The following OPHN1 variants were observed in gnomAD, a reference collection of about 807,000 sequenced individuals.
The protein encoded by OPHN1 is oligophrenin-1.
OPHN1 carries 11 observed loss-of-function variants against 60.7 expected under a neutral mutation model. That is an observed-to-expected ratio of 0.18 (90% CI 0.11 to 0.30). OPHN1 has a LOEUF of 0.30. Ranked by LOEUF, OPHN1 falls within the 10% of genes least tolerant of loss-of-function variation. OPHN1 has a pLI of 1.00. For missense variants in OPHN1, 449 were observed against 611.0 expected, an observed-to-expected ratio of 0.73 and a Z score of 2.80; for synonymous variants, 226 against 222.6, an observed-to-expected ratio of 1.02 and a Z score of -0.14.
chrX:68,061,634 C>T (rs774906010), intron 21 of OPHN1, among the ~76,000 whole-genome samples: 43 of 111,685 alleles, frequency 3.9e-4, no homozygotes, highest in Non-Finnish European at 6.6e-4. Context: ...GCTGATTATA[C>T]GCCAGATATT....
At chrX:68,375,150 A>C (rs57597456) in intron 2 of OPHN1, among the ~76,000 whole-genome samples, 2,174 of 111,148 alleles carry the variant, frequency 0.02, 58 homozygotes, top group African/African-American at 0.065. Context: ...TTCACACACA[A>C]AAAAAAACAT....
intron 3 of OPHN1, among the ~76,000 whole-genome samples, chrX:68,287,146 GAAGA>G (rs2078045594): frequency 3.8e-5 from 2 of 52,869 alleles, no homozygotes; most frequent in South Asian, 8.2e-4. Context: ...AGGAAGGAAG[GAAGA>G]AAGAAGGAAA....
intron 20 of OPHN1, chrX:68,071,728 C>T (rs189897466): frequency 1.2e-5 from 6 of 489,010 alleles, no homozygotes; most frequent in African/African-American, 2.3e-5. Flanking sequence ...TGCCCTTTGA[C>T]GTCTGGTTTG....
intron 15 of OPHN1, among the ~76,000 whole-genome samples, chrX:68,165,296 T>A (rs2077352960): frequency 8.9e-6 from 1 of 112,115 alleles, no homozygotes; most frequent in Non-Finnish European, 1.9e-5. Flanking sequence ...GCTTTCGACA[T>A]GCCTTCCTCA....
intron 2 of OPHN1, among the ~76,000 whole-genome samples, chrX:68,353,408 GAAAAA>G (rs766331200): frequency 2.1e-5 from 1 of 48,155 alleles, no homozygotes; most frequent in Non-Finnish European, 4.0e-5. Context: ...GTCTCTACAG[GAAAAA>G]AAAAAAAAAA....
At chrX:68,146,053 T>A (rs186387694) in intron 15 of OPHN1, among the ~76,000 whole-genome samples, 3 of 112,095 alleles carry the variant, frequency 2.7e-5, no homozygotes, top group East Asian at 2.8e-4. Flanking sequence ...CAGAAAAAAA[T>A]TGTCAACTCC....
chrX:68,173,051 C>T (rs2077398625), intron 15 of OPHN1, among the ~76,000 whole-genome samples: 2 of 110,656 alleles, frequency 1.8e-5, no homozygotes, highest in African/African-American at 6.6e-5. Flanking sequence ...TGCAGATATG[C>T]CACGGTGACA....
At chrX:68,123,950 T>C (rs1312795842) in intron 15 of OPHN1, among the ~76,000 whole-genome samples, 1 of 2,990 alleles carries the variant, frequency 3.3e-4, no homozygotes, top group Non-Finnish European at 1.6e-3. Flanking sequence ...AGTAGCTGAA[T>C]GGATAAAAAA....
intron 12 of OPHN1, 39 bp from the exon 13 acceptor site, chrX:68,194,537 T>C: frequency 5.6e-6 from 6 of 1,080,213 alleles, no homozygotes; most frequent in Non-Finnish European, 7.7e-6. Context: ...ATGGCTATTG[T>C]CAATCAATAT....
intron 2 of OPHN1, among the ~76,000 whole-genome samples, chrX:68,369,078 C>T (rs991168296): frequency 9.1e-6 from 1 of 110,474 alleles, no homozygotes; most frequent in Non-Finnish European, 1.9e-5. Context: ...CATGGTAGCA[C>T]GTGCCTGTAG....
At chrX:68,197,828 G>A (rs1015385543) in intron 11 of OPHN1, among the ~76,000 whole-genome samples, 9 of 111,463 alleles carry the variant, frequency 8.1e-5, no homozygotes, top group African/African-American at 2.9e-4. Flanking sequence ...TTTACTGAAT[G>A]CTTACTAGGT....
chrX:68,402,571 G>A (rs757335483), intron 2 of OPHN1, among the ~76,000 whole-genome samples: 1 of 111,992 alleles, frequency 8.9e-6, no homozygotes, highest in South Asian at 3.7e-4. Context: ...CCTAATGTCA[G>A]TATGAACTGA....
At chrX:68,173,001 T>C (rs1198622218) in intron 15 of OPHN1, among the ~76,000 whole-genome samples, 1 of 110,958 alleles carries the variant, frequency 9.0e-6, no homozygotes, top group Admixed American at 9.7e-5. Context: ...TATAACCTAA[T>C]TGACTTGGCC....
chrX:68,418,480 AG>A (rs1375692469), intron 2 of OPHN1, among the ~76,000 whole-genome samples: 3 of 111,335 alleles, frequency 2.7e-5, no homozygotes, highest in Non-Finnish European at 5.6e-5. Flanking sequence ...GACAGACATC[AG>A]GGAGAATCAG....
Position 68,433,194 on chromosome X carries a change from G to C in OPHN1, c.-31C>G, listed in dbSNP as rs1262428722. The stretch of plus-strand genomic sequence containing the variant: ...TGTTTCAGTGAGACTCCTGAGGAGC[G>C]CTGGCTGGTCCGGACAGAGAACAGG... On this transcript the variant is annotated 5_prime_UTR_variant, in exon 1 of 25. Coordinates refer to ENST00000355520, the MANE Select transcript of OPHN1 (RefSeq NM_002547.3). 2.0e-6 allele frequency: 1 copy of C among 491,001 alleles called. No individual in the cohort carries two copies. Among genetic ancestry groups the C allele is most frequent in the Non-Finnish European group, 3.3e-6 (1 of 303,818 alleles). The allele number at this position is 491,001 out of a possible 1,213,427, so 40.5% of individuals were successfully genotyped here.
chrX:68,067,669 C>T lies in OPHN1; in HGVS notation c.1835-3492G>A, dbSNP rs776913449. Among the ~76,000 whole-genome samples, 206 of 110,723 alleles carry T rather than the reference C, an allele frequency of 1.9e-3. 1 individual carries two copies. In the Middle Eastern group the frequency reaches 0.037, roughly 20 times the overall value. ...TTGAGAAGGATCCAAACTAGAGCTG[C>T]GTCAGAAAAGAGAGGCAGATTCAAG... On this transcript the variant is annotated intron_variant, in intron 20 of 24. Coordinates refer to ENST00000355520, the MANE Select transcript of OPHN1 (RefSeq NM_002547.3).
At chrX:68,143,275 T>C (rs1261199798) in intron 15 of OPHN1, among the ~76,000 whole-genome samples, 1 of 111,674 alleles carries the variant, frequency 9.0e-6, no homozygotes, top group Non-Finnish European at 1.9e-5. Context: ...ACAACCTCCA[T>C]ACAGGGTTAG....
chrX:68,378,937 A>T (rs2147739919), intron 2 of OPHN1, among the ~76,000 whole-genome samples: 1 of 111,084 alleles, frequency 9.0e-6, no homozygotes, highest in Admixed American at 9.6e-5. Context: ...GTTCCATATG[A>T]ACTTTAAAGT....
chrX:68,268,390 T>C lies in OPHN1; in HGVS notation c.384+6348A>G, dbSNP rs932135678. Among the ~76,000 whole-genome samples, 3 of 111,659 alleles carry C rather than the reference T, an allele frequency of 2.7e-5. No homozygotes were observed. In the South Asian group the frequency reaches 1.1e-3, roughly 42 times the overall value. The stretch of plus-strand genomic sequence containing the variant: ...AGCAGCACATCAAAAAGCTTATCTA[T>C]CATGATCAAGTGGGCTTCATCCCTG... On this transcript the variant is annotated intron_variant, in intron 5 of 24. Transcript: ENST00000355520.
Sources: gnomAD v4.1 joint callset for allele counts (sites outside exome capture counted in the v4.1 genomes callset) on GRCh38, gnomAD v4.1.1 for gene constraint, MANE v1.5 for transcripts, NCBI Gene and HGNC (gene_info 2026-07-23, HGNC 2026-07-21) for gene names.